The following POF1B variants were observed in gnomAD, a reference collection of about 807,000 sequenced individuals.
The protein encoded by POF1B is POF1B actin binding protein.
Under a neutral mutation model 55.3 loss-of-function variants are expected in POF1B, and 53 were observed. The ratio of observed to expected loss-of-function variants is 0.96; its 90% CI spans 0.77 to 1.20. The LOEUF is 1.20. Among genes scored for constraint, POF1B ranks in the 50% most tolerant of loss-of-function variants. The pLI is 0.00. For synonymous variants in POF1B, 188 were observed against 148.3 expected (o/e 1.27, Z -1.95); for missense variants, 478 against 420.5 (o/e 1.14, Z -1.20).
intron 5 of POF1B, among the ~76,000 whole-genome samples, chrX:85,347,792 G>A (rs1933300524): frequency 9.0e-6 from 1 of 111,089 alleles, no homozygotes; most frequent in African/African-American, 3.3e-5. Flanking sequence ...AGCACACTTT[G>A]TACATACACT....
chrX:85,363,701 G>A (rs779063124), intron 3 of POF1B, among the ~76,000 whole-genome samples: 1 of 111,763 alleles, frequency 8.9e-6, no homozygotes, highest in Non-Finnish European at 1.9e-5. Context: ...GCTACGTGAT[G>A]ATGAGAAGAA....
intron 8 of POF1B, among the ~76,000 whole-genome samples, chrX:85,315,001 C>T (rs980769334): frequency 1.8e-5 from 2 of 111,008 alleles, no homozygotes; most frequent in Non-Finnish European, 3.8e-5. Flanking sequence ...TATGATGTTG[C>T]CACCACAACA....
rs191202756 is a variant in POF1B at position 85,329,646 on chromosome X, A to T, written c.854+1303T>A. The stretch of plus-strand genomic sequence containing the variant: ...GTGGTGGTCGTTTTTTTTTTTTTTA[A>T]AAAAAGAGAATAAGGCAGAGAGTTA... On this transcript the variant is annotated intron_variant, in intron 7 of 16. Coordinates refer to ENST00000262753, the MANE Select transcript of POF1B (RefSeq NM_024921.4). 3.4e-3 allele frequency among the ~76,000 whole-genome samples: 346 copies of T among 101,095 alleles called. 2 individuals carry two copies. Among genetic ancestry groups the T allele is most frequent in the African/African-American group, 0.012 (308 of 24,958 alleles). The allele number at this position is 101,095 out of a possible 115,157, so 87.8% of individuals were successfully genotyped here.
intron 7 of POF1B, among the ~76,000 whole-genome samples, chrX:85,318,691 AT>A (rs374194123): frequency 1.8e-4 from 20 of 111,278 alleles, no homozygotes; most frequent in African/African-American, 6.5e-4. Flanking sequence ...GGTGTTTGGC[AT>A]TATTTCTGGG....
At chrX:85,337,069 G>A (rs374649365) in intron 6 of POF1B, among the ~76,000 whole-genome samples, 7 of 111,755 alleles carry the variant, frequency 6.3e-5, no homozygotes, top group South Asian at 3.7e-4. Context: ...TTCCCAATGC[G>A]TGTTCATAGC....
chrX:85,302,385 T>C (rs1932478492), intron 15 of POF1B, among the ~76,000 whole-genome samples: 1 of 111,481 alleles, frequency 9.0e-6, no homozygotes, highest in Non-Finnish European at 1.9e-5. Flanking sequence ...AAACTCCAAT[T>C]GGATACCACT....
chrX:85,308,109 C>G lies in POF1B; in HGVS notation c.1050+15G>C. On this transcript the variant is annotated intron_variant, in intron 10 of 16. Coordinates refer to ENST00000262753, the MANE Select transcript of POF1B (RefSeq NM_024921.4). ...TAACTAGAAAGGCTTTGGAAAAAATCAAAATAAATCTTACTGTCATATCAT... is the reference window on the plus strand; with the variant it reads ...TAACTAGAAAGGCTTTGGAAAAAATGAAAATAAATCTTACTGTCATATCAT... The G allele has an allele frequency of 8.9e-7, 1 of 1,119,279 alleles. No homozygotes were observed. The highest frequency in any genetic ancestry group is 1.2e-6 in the Non-Finnish European group (1 of 822,108). 92.2% of individuals were successfully genotyped at this position (1,119,279 alleles called of 1,213,427 possible).
chrX:85,349,383 T>C (rs760177671), intron 5 of POF1B, among the ~76,000 whole-genome samples: 1 of 111,291 alleles, frequency 9.0e-6, no homozygotes, highest in East Asian at 2.9e-4. Context: ...TCGCAACTGA[T>C]TTGATAGTGT....
chrX:85,376,291 A>G (rs1933918938), intron 2 of POF1B, among the ~76,000 whole-genome samples: 1 of 111,884 alleles, frequency 8.9e-6, no homozygotes, highest in Non-Finnish European at 1.9e-5. Flanking sequence ...ATTCATATCA[A>G]TGTTGCTCAT....
intron 3 of POF1B, among the ~76,000 whole-genome samples, chrX:85,361,940 T>C (rs1001663898): frequency 9.5e-6 from 1 of 105,506 alleles, no homozygotes; most frequent in African/African-American, 3.6e-5. Context: ...TAGTTAGCTG[T>C]ATCCCTAGGT....
chrX:85,286,755 C>T (rs1177794821), intron 15 of POF1B, among the ~76,000 whole-genome samples: 1 of 111,018 alleles, frequency 9.0e-6, no homozygotes, highest in African/African-American at 3.3e-5. Context: ...ATGTAGCAGT[C>T]CTAAATGTTC....
chrX:85,372,011 A>G (rs1933830337), intron 2 of POF1B, among the ~76,000 whole-genome samples: 1 of 111,794 alleles, frequency 8.9e-6, no homozygotes, highest in African/African-American at 3.3e-5. Context: ...ATATACACAA[A>G]CATTATACTT....
At chrX:85,376,486 A>G (rs1027769943) in intron 2 of POF1B, among the ~76,000 whole-genome samples, 1 of 111,908 alleles carries the variant, frequency 8.9e-6, no homozygotes, top group African/African-American at 3.2e-5. Context: ...GTTCATGCAG[A>G]TAAACCCAGT....
intron 15 of POF1B, among the ~76,000 whole-genome samples, chrX:85,294,314 T>G (rs188118068): frequency 8.9e-6 from 1 of 112,075 alleles, no homozygotes; most frequent in African/African-American, 3.2e-5. Flanking sequence ...GAAGAATGTT[T>G]CCAGCTTTTG....
intron 2 of POF1B, among the ~76,000 whole-genome samples, chrX:85,372,759 T>G (rs1195060838): frequency 9.7e-6 from 1 of 102,874 alleles, no homozygotes. Flanking sequence ...TTTATATATA[T>G]TATATTATAT....
In POF1B at chrX:85,307,289, ATTAT is replaced by A. The variant is rs989899823; in HGVS notation, c.1051-17_1051-14del. 1 of 1,092,154 alleles carries A rather than the reference ATTAT, an allele frequency of 9.2e-7. No homozygotes were observed. The highest frequency in any genetic ancestry group is 1.8e-5 in the African/African-American group (1 of 54,543). 90.0% of individuals were successfully genotyped at this position (1,092,154 alleles called of 1,213,427 possible). On this transcript the variant is annotated splice_polypyrimidine_tract_variant and intron_variant, in intron 10 of 16. Transcript: ENST00000262753. ...CATTTTCCAGTGACTAGAAGCATAA[ATTAT>A]TTATTATGATTCAGAATTGCAAAAA...
intron 16 of POF1B, among the ~76,000 whole-genome samples, chrX:85,281,489 A>G (rs1325968334): frequency 9.1e-6 from 1 of 110,067 alleles, no homozygotes; most frequent in East Asian, 2.9e-4. Flanking sequence ...TCAGTCCTTT[A>G]TAAGAAGGTT....
chrX:85,284,282 T>C (rs945128995), intron 15 of POF1B, among the ~76,000 whole-genome samples: 11 of 111,360 alleles, frequency 9.9e-5, no homozygotes, highest in Non-Finnish European at 2.1e-4. Flanking sequence ...CAATGACTTT[T>C]TTCACAGAAT....
At chrX:85,347,838 G>T (rs753648851) in intron 5 of POF1B, among the ~76,000 whole-genome samples, 1 of 110,520 alleles carries the variant, frequency 9.0e-6, no homozygotes, top group Non-Finnish European at 1.9e-5. Flanking sequence ...AATTTTGGGG[G>T]TGAATGTATG....
Sources: gnomAD v4.1 joint callset for allele counts (sites outside exome capture counted in the v4.1 genomes callset) on GRCh38, gnomAD v4.1.1 for gene constraint, MANE v1.5 for transcripts, NCBI Gene and HGNC (gene_info 2026-07-23, HGNC 2026-07-21) for gene names.